KIAA1958: variants seen among roughly 807,000 people sequenced by gnomAD.
KIAA1958 encodes the protein KIAA1958.
KIAA1958 carries 14 observed loss-of-function variants against 47.2 expected under a neutral mutation model. The observed-to-expected ratio is 0.30, with a 90% CI of 0.20 to 0.46. The LOEUF is 0.46. Ranked by LOEUF, KIAA1958 falls within the 20% of genes least tolerant of loss-of-function variation. The pLI is 1.00. For synonymous variants in KIAA1958, 354 were observed against 353.3 expected (o/e 1.00, Z -0.02); for missense variants, 803 against 909.2 (o/e 0.88, Z 1.50).
At chr9:112,534,664 C>T (rs766268314) in intron 1 of KIAA1958, among the ~76,000 whole-genome samples, 2 of 152,036 alleles carry the variant, frequency 1.3e-5, no homozygotes, top group Non-Finnish European at 2.9e-5. Context: ...CTGCCTCACC[C>T]TCTTGAGTAA....
intron 1 of KIAA1958, among the ~76,000 whole-genome samples, chr9:112,537,075 CT>C (rs1834867253): frequency 1.3e-5 from 2 of 151,634 alleles, no homozygotes; most frequent in Non-Finnish European, 2.9e-5. Flanking sequence ...CTCCCCTCCC[CT>C]CCCCTCCCCT....
chr9:112,509,384 A>G (rs1434521021), intron 1 of KIAA1958, among the ~76,000 whole-genome samples: 1 of 151,948 alleles, frequency 6.6e-6, no homozygotes, highest in Non-Finnish European at 1.5e-5. Flanking sequence ...TATTTTTAAT[A>G]GAGGTGGGGT....
intron 2 of KIAA1958, among the ~76,000 whole-genome samples, chr9:112,614,114 A>G (rs1412652136): frequency 6.6e-6 from 1 of 152,258 alleles, no homozygotes; most frequent in Non-Finnish European, 1.5e-5. Flanking sequence ...AACAGTATGG[A>G]TGAAGTTCAC....
intron 2 of KIAA1958, among the ~76,000 whole-genome samples, chr9:112,600,554 C>T (rs564754873): frequency 6.6e-6 from 1 of 152,296 alleles, no homozygotes; most frequent in South Asian, 2.1e-4. Flanking sequence ...ATTAGCTTAT[C>T]AAATCACAGA....
chr9:112,516,962 GT>G (rs1399905118), intron 1 of KIAA1958, among the ~76,000 whole-genome samples: 2 of 152,350 alleles, frequency 1.3e-5, no homozygotes, highest in East Asian at 3.9e-4. Context: ...ACAACTCCGT[GT>G]TTGCCTTATT....
chr9:112,522,604 A>G (rs914021036), intron 1 of KIAA1958, among the ~76,000 whole-genome samples: 3 of 152,118 alleles, frequency 2.0e-5, no homozygotes, highest in Admixed American at 6.5e-5. Flanking sequence ...GATATATGTG[A>G]TCATTCTCAT....
At chr9:112,570,820 G>A (rs1433049676) in intron 1 of KIAA1958, among the ~76,000 whole-genome samples, 1 of 152,134 alleles carries the variant, frequency 6.6e-6, no homozygotes, top group African/African-American at 2.4e-5. Flanking sequence ...TCTGCTAGCT[G>A]GAAACCCTGG....
chr9:112,549,058 A>T (rs1263103177), intron 1 of KIAA1958, among the ~76,000 whole-genome samples: 1 of 152,212 alleles, frequency 6.6e-6, no homozygotes, highest in African/African-American at 2.4e-5. Context: ...TGCTTAAGGA[A>T]TCCTGTCTGT....
At chr9:112,569,623 C>CT (rs111366992) in intron 1 of KIAA1958, among the ~76,000 whole-genome samples, 93 of 136,962 alleles carry the variant, frequency 6.8e-4, no homozygotes, top group East Asian at 4.1e-3. Flanking sequence ...TTTTAGAATT[C>CT]TTTTTTTTTT....
At chr9:112,500,814 A>T (rs1175838807) in intron 1 of KIAA1958, among the ~76,000 whole-genome samples, 1 of 152,094 alleles carries the variant, frequency 6.6e-6, no homozygotes, top group Non-Finnish European at 1.5e-5. Flanking sequence ...TGGCCATGTG[A>T]AAGTTTAAAC....
intron 2 of KIAA1958, among the ~76,000 whole-genome samples, chr9:112,627,096 A>G (rs1775684584): frequency 6.6e-6 from 1 of 152,222 alleles, no homozygotes; most frequent in Admixed American, 6.5e-5. Context: ...AGTGGCCTCT[A>G]CAGAAGGAAA....
chr9:112,558,900 G>GGT (rs1406605055), intron 1 of KIAA1958, among the ~76,000 whole-genome samples: 6 of 151,856 alleles, frequency 4.0e-5, no homozygotes, highest in Non-Finnish European at 8.8e-5. Flanking sequence ...TAACACTTTG[G>GGT]GTACAACACT....
At chr9:112,505,939 C>T (rs1359775523) in intron 1 of KIAA1958, among the ~76,000 whole-genome samples, 1 of 152,148 alleles carries the variant, frequency 6.6e-6, no homozygotes, top group South Asian at 2.1e-4. Flanking sequence ...GAGAACGATG[C>T]GTATGTATCC....
intron 1 of KIAA1958, among the ~76,000 whole-genome samples, chr9:112,543,502 AG>A (rs1237939948): frequency 6.6e-6 from 1 of 151,372 alleles, no homozygotes; most frequent in Non-Finnish European, 1.5e-5. Flanking sequence ...GTTTGTACAA[AG>A]GAATTTGTAA....
intron 1 of KIAA1958, among the ~76,000 whole-genome samples, chr9:112,509,183 G>A (rs1204916946): frequency 1.3e-5 from 2 of 150,158 alleles, no homozygotes; most frequent in Non-Finnish European, 3.0e-5. Flanking sequence ...GTTGTAAGAA[G>A]GCAAGCCAGG....
chr9:112,633,131 CTATT>C (rs898305837), intron 2 of KIAA1958, among the ~76,000 whole-genome samples: 1 of 151,394 alleles, frequency 6.6e-6, no homozygotes, highest in African/African-American at 2.4e-5. Flanking sequence ...TAGCAATGAT[CTATT>C]TGTCTATTTC....
At chr9:112,508,507 C>T (rs181206320) in intron 1 of KIAA1958, among the ~76,000 whole-genome samples, 49 of 152,284 alleles carry the variant, frequency 3.2e-4, no homozygotes, top group African/African-American at 1.1e-3. Flanking sequence ...TTGGAACACC[C>T]TAAGAAAGAT....
chr9:112,635,553 C>G (rs1180710886), intron 2 of KIAA1958, among the ~76,000 whole-genome samples: 4 of 152,092 alleles, frequency 2.6e-5, no homozygotes. Context: ...CATCTGGCCT[C>G]CATTTCTCTA....
chr9:112,561,300 T>G (rs567354367), intron 1 of KIAA1958, among the ~76,000 whole-genome samples: 3 of 151,888 alleles, frequency 2.0e-5, no homozygotes, highest in Admixed American at 6.6e-5. Flanking sequence ...GCGATCTGCC[T>G]GCCTCGGCCT....
Sources: gnomAD v4.1 joint callset for allele counts (sites outside exome capture counted in the v4.1 genomes callset) on GRCh38, gnomAD v4.1.1 for gene constraint, MANE v1.5 for transcripts, NCBI Gene and HGNC (gene_info 2026-07-23, HGNC 2026-07-21) for gene names.